ITIH3: variants seen among roughly 807,000 people sequenced by gnomAD.
ITIH3 encodes inter-alpha-trypsin inhibitor heavy chain H3.
Under a neutral mutation model 96.5 loss-of-function variants are expected in ITIH3, and 81 were observed. The ratio of observed to expected loss-of-function variants is 0.84; its 90% CI spans 0.70 to 1.01. The LOEUF is 1.01. Ranked by LOEUF, ITIH3 falls within the 50% of genes least tolerant of loss-of-function variation. The pLI is 0.00. For synonymous variants in ITIH3, 422 were observed against 445.2 expected, an observed-to-expected ratio of 0.95 and a Z score of 0.66; for missense variants, 1,057 against 1,139.3, an observed-to-expected ratio of 0.93 and a Z score of 1.04.
rs1206723095 is a variant in ITIH3 at position 52,800,952 on chromosome 3, C to G, written c.1202-13C>G. 9.9e-6 allele frequency: 16 copies of G among 1,613,832 alleles called. No homozygotes were observed. Among genetic ancestry groups the G allele is most frequent in the Middle Eastern group, 1.6e-4 (1 of 6,084 alleles). ...GGCTGGGGCTGGACTGTGAACACCC[C>G]CTTCTCCAACAGGTGAGAGCAGACC... On this transcript the variant is annotated splice_polypyrimidine_tract_variant and intron_variant, in intron 10 of 21. Transcript: ENST00000449956.
At chr3:52,798,636 G>A in intron 6 of ITIH3, 1 of 326,904 alleles carries the variant, frequency 3.1e-6, no homozygotes, top group Non-Finnish European at 5.7e-6. Context: ...AGGTAGCCTG[G>A]GCTAATGGGT....
At chr3:52,800,298 ATCACCATGTGCTTTTCGTCT>A in intron 9 of ITIH3, 2 of 573,574 alleles carry the variant, frequency 3.5e-6, no homozygotes, top group East Asian at 3.0e-5. Flanking sequence ...GGCTTTCACA[ATCACCATGTGCTTTTCGTCT>A]TCACCATGTG....
chr3:52,808,082 C>A, intron 20 of ITIH3, 28 bp from the exon 21 acceptor site: 2 of 1,607,290 alleles, frequency 1.2e-6, no homozygotes, highest in East Asian at 2.2e-5. Flanking sequence ...TGGCCAGGGG[C>A]TGACAGCATG....
Position 52,808,500 on chromosome 3 carries a change from A to G in ITIH3, c.2544-52A>G, listed in dbSNP as rs1700135826. 2.5e-6 allele frequency: 4 copies of G among 1,596,478 alleles called. No homozygotes were observed. The Admixed American group carries it at 5.0e-5, about 20-fold the overall frequency. On this transcript the variant is annotated intron_variant, in intron 21 of 21. Transcript: ENST00000449956. ...TTTTCAATCTCAGGTCCGCTAGCCTAGCAGCCATCTTACCCACCCCGTGTA... is the reference window on the plus strand; with the variant it reads ...TTTTCAATCTCAGGTCCGCTAGCCTGGCAGCCATCTTACCCACCCCGTGTA...
At chr3:52,800,834 C>T (rs1699804545) in intron 10 of ITIH3, 131 bp from the exon 11 acceptor site, 1 of 1,465,160 alleles carries the variant, frequency 6.8e-7, no homozygotes, top group South Asian at 1.3e-5. Context: ...TCTCCACCAC[C>T]TGCCCCACAA....
In ITIH3 at chr3:52,802,822, GC is replaced by G. The variant is rs771189476; in HGVS notation, c.1709+21del. The G allele has an allele frequency of 5.7e-5, 92 of 1,613,260 alleles. No homozygotes were observed. Among genetic ancestry groups the G allele is most frequent in the Non-Finnish European group, 7.5e-5 (89 of 1,179,594 alleles). On this transcript the variant is annotated intron_variant, in intron 13 of 21. Coordinates refer to ENST00000449956, the MANE Select transcript of ITIH3 (RefSeq NM_002217.4). The stretch of plus-strand genomic sequence containing the variant: ...TGGAGAAGCGGTGAGCAGAGTCCCA[GC>G]CCCCACCTGTGCCTACCCCTGGCTG...
Position 52,796,812 on chromosome 3 carries a change from G to T in ITIH3, c.355G>T (p.Val119Leu). Residue 119 changes from valine to leucine, a missense_variant, in exon 4 of 22, where the codon GTG becomes TTG. Transcript: ENST00000449956. ...TGCCAAGAAGCAGTATGAAAAGGCT[G>T]TGTCCCAGGGCAAGACGGCCGGCTT... ...EVAKKQYEKA[V>L]SQGKTAGLVK... 1.2e-6 allele frequency: 2 copies of T among 1,612,142 alleles called. No homozygotes were observed. The highest frequency in any genetic ancestry group is 4.5e-5 in the East Asian group (2 of 44,862).
chr3:52,797,495 G>C (rs899308043), intron 5 of ITIH3, among the ~76,000 whole-genome samples: 1 of 152,270 alleles, frequency 6.6e-6, no homozygotes, highest in Admixed American at 6.5e-5. Flanking sequence ...GGGCCCTCAA[G>C]AGCAACACCA....
chr3:52,805,787 C>T, intron 15 of ITIH3, 21 bp from the exon 16 acceptor site: 1 of 1,613,780 alleles, frequency 6.2e-7, no homozygotes, highest in Non-Finnish European at 8.5e-7. Flanking sequence ...CCCTGCTCAC[C>T]ACTGCCCTTC....
At chr3:52,807,952 G>T in intron 20 of ITIH3, 36 bp downstream of exon 20, 1 of 1,603,470 alleles carries the variant, frequency 6.2e-7, no homozygotes, top group Non-Finnish European at 8.5e-7. Flanking sequence ...GTTCAGGCCT[G>T]AGAGCAGCAT....
intron 13 of ITIH3, among the ~76,000 whole-genome samples, chr3:52,803,050 G>A (rs1373155232): frequency 6.6e-6 from 1 of 152,214 alleles, no homozygotes; most frequent in African/African-American, 2.4e-5. Context: ...TCAGCACCCT[G>A]CTGCCCACAC....
Position 52,806,207 on chromosome 3 carries a change from G to A in ITIH3, c.1942+69G>A, listed in dbSNP as rs543847257. 5.1e-5 allele frequency: 82 copies of A among 1,596,950 alleles called. 1 individual carries two copies. In the South Asian group the frequency reaches 7.9e-4, roughly 15 times the overall value. Reference sequence around the variant, plus strand: ...ACGTGCTCCTGCCTGTCTCGGAGTCGAGCCCATGGAGGCCAGAAGGCTGGG... The same window carrying A: ...ACGTGCTCCTGCCTGTCTCGGAGTCAAGCCCATGGAGGCCAGAAGGCTGGG... On this transcript the variant is annotated intron_variant, in intron 17 of 21. Coordinates refer to ENST00000449956, the MANE Select transcript of ITIH3 (RefSeq NM_002217.4).
chr3:52,796,868 G>A, intron 4 of ITIH3, 25 bp downstream of exon 4: 1 of 1,508,088 alleles, frequency 6.6e-7, no homozygotes, highest in Non-Finnish European at 9.0e-7. Context: ...CCAGGCCTTG[G>A]GGAGAATGTC....
At chr3:52,808,266 G>T in intron 21 of ITIH3, 45 bp downstream of exon 21, 1 of 1,496,130 alleles carries the variant, frequency 6.7e-7, no homozygotes. Context: ...GCAACGAGAG[G>T]AGGAAAGAGC....
rs1699952821 is a variant in ITIH3, at chr3:52,804,089, C to A, written c.1864+80C>A. The A allele has an allele frequency of 4.7e-6, 7 of 1,487,874 alleles. No homozygotes were observed. The East Asian group carries it at 1.2e-4, about 26-fold the overall frequency. The allele number at this position is 1,487,874 out of a possible 1,614,324, so 92.2% of individuals were successfully genotyped here. On this transcript the variant is annotated intron_variant, in intron 14 of 21. Transcript: ENST00000449956. ...CCTGGGTGTCCAGTGGAGGAGTGGG[C>A]CAGGCTGGGGAGACCCAGACCTGCT... is the stretch of plus-strand genomic sequence containing the variant.
chr3:52,805,650 C>T lies in ITIH3; in HGVS notation c.1874-158C>T, dbSNP rs1017809506. ...CATAAAGGGCTTCCCTGGACGTGCC[C>T]GATTTCCAAAGCCTAATCTTTGTAG... On this transcript the variant is annotated intron_variant, in intron 15 of 21. Transcript: ENST00000449956. The T allele has an allele frequency of 1.9e-5, 28 of 1,459,746 alleles. No individual in the cohort carries two copies. The African/African-American group carries it at 3.1e-4, about 16-fold the overall frequency. 90.4% of individuals were successfully genotyped at this position (1,459,746 alleles called of 1,614,324 possible).
Position 52,799,754 on chromosome 3 carries a change from C to A in ITIH3, c.908C>A (p.Thr303Lys). The change falls in exon 9 of 22, where the codon ACA becomes AAA. Residue 303 changes from threonine (T) to lysine (K), a missense_variant and splice_region_variant. Thr to Lys is a moderately conservative substitution (Grantham distance 78). Transcript: ENST00000449956. ...CCCAGCTCTTTGTCTCTCCTCCAGA[C>A]AAAGGAGGCCCTTCTCAGAATCCTG... ...GSMAGRKLEQ[T>K]KEALLRILED... is the part of the protein sequence containing the mutation. 1 of 1,610,398 alleles carries A rather than the reference C, an allele frequency of 6.2e-7. No homozygotes were observed. The highest frequency in any genetic ancestry group is 8.5e-7 in the Non-Finnish European group (1 of 1,178,618).
chr3:52,806,841 A>G (rs969554336), intron 18 of ITIH3, 60 bp from the exon 19 acceptor site: 32 of 1,422,088 alleles, frequency 2.3e-5, no homozygotes, highest in Middle Eastern at 3.9e-4. Flanking sequence ...CACACCCCTA[A>G]AGGCAATCTG....
rs186486873 is a variant in ITIH3 at position 52,799,863 on chromosome 3, C to T, written c.1017C>T (p.Ala339=). The change falls in exon 9 of 22, where the codon GCC becomes GCT. Residue 339 remains alanine (A), a synonymous_variant. Coordinates refer to ENST00000449956, the MANE Select transcript of ITIH3 (RefSeq NM_002217.4). ...VSTWKEHLVQ[A]TPENLQEART... ...CATGGAAAGAGCACTTAGTCCAGGC[C>T]ACGCCCGAGAACCTCCAGGAGGCCA... is the stretch of plus-strand genomic sequence containing the variant. 646 of 1,613,882 alleles carry T rather than the reference C, an allele frequency of 4.0e-4. 3 individuals carry two copies. The Admixed American group carries it at 5.7e-3, about 14-fold the overall frequency.
Sources: allele counts gnomAD v4.1 joint callset (sites outside exome capture counted in the v4.1 genomes callset), GRCh38; gene constraint gnomAD v4.1.1; transcripts MANE v1.5; gene names NCBI Gene and HGNC (gene_info 2026-07-23, HGNC 2026-07-21).